The following YWHAE variants were observed in gnomAD, a reference collection of about 807,000 sequenced individuals.
YWHAE encodes the protein tyrosine 3-monooxygenase/tryptophan 5-monooxygenase activation protein epsilon, also known as 14-3-3 protein epsilon.
In YWHAE, 4 loss-of-function variants were observed where a neutral mutation model predicts 30.1. That is an observed-to-expected ratio of 0.13 (90% CI 0.07 to 0.30). The LOEUF (loss-of-function observed/expected upper bound fraction) is 0.30. YWHAE is among the 10% of genes least tolerant of loss of function. The pLI is 1.00. For synonymous variants in YWHAE, 118 were observed against 111.8 expected, an observed-to-expected ratio of 1.06 and a Z score of -0.35; for missense variants, 121 against 315.9, an observed-to-expected ratio of 0.38 and a Z score of 4.68.
chr17:1,394,274 A>G lies in YWHAE; in HGVS notation c.64+5773T>C, dbSNP rs1204572393. 3.3e-5 allele frequency among the ~76,000 whole-genome samples: 5 copies of G among 152,054 alleles called. No individual in the cohort carries two copies. In the East Asian group the frequency reaches 9.6e-4, roughly 29 times the overall value. ...GTTACATAAATTAAAAACTTTTGTC[A>G]ACGTGGGCTGTGAACTGAGGTACTG... On this transcript the variant is annotated intron_variant, in intron 1 of 5. Coordinates refer to ENST00000264335, the MANE Select transcript of YWHAE (RefSeq NM_006761.5).
At chr17:1,352,902 C>G (rs945379683) in intron 5 of YWHAE, among the ~76,000 whole-genome samples, 2 of 152,174 alleles carry the variant, frequency 1.3e-5, no homozygotes, top group Non-Finnish European at 2.9e-5. Context: ...ACCAGCACCA[C>G]CACCACCAAA....
At chr17:1,387,504 G>T (rs1007975092) in intron 1 of YWHAE, among the ~76,000 whole-genome samples, 2 of 152,126 alleles carry the variant, frequency 1.3e-5, no homozygotes, top group African/African-American at 4.8e-5. Flanking sequence ...GGAAGAAAAT[G>T]ACCACAAATA....
intron 2 of YWHAE, 115 bp from the exon 3 acceptor site, chr17:1,362,123 C>T: frequency 1.7e-6 from 1 of 581,270 alleles, no homozygotes; most frequent in Non-Finnish European, 2.9e-6. Flanking sequence ...GAATTTGTAT[C>T]CCTCTCCAAA....
At chr17:1,391,473 G>A (rs1452080246) in intron 1 of YWHAE, among the ~76,000 whole-genome samples, 1 of 152,146 alleles carries the variant, frequency 6.6e-6, no homozygotes, top group Non-Finnish European at 1.5e-5. Context: ...TATGCCTGCT[G>A]TTGTAGCTGA....
intron 4 of YWHAE, among the ~76,000 whole-genome samples, chr17:1,354,862 C>A (rs2072701829): frequency 6.7e-6 from 1 of 150,314 alleles, no homozygotes; most frequent in Non-Finnish European, 1.5e-5. Context: ...TGGGGTTTCA[C>A]CGTGTTAGCC....
intron 1 of YWHAE, among the ~76,000 whole-genome samples, chr17:1,381,190 C>T (rs1245813292): frequency 1.3e-5 from 2 of 152,138 alleles, no homozygotes; most frequent in Non-Finnish European, 2.9e-5. Context: ...CTGGCCTGGC[C>T]AACATGGCGA....
chr17:1,355,116 TAAAAAAAAA>T (rs869230957), intron 4 of YWHAE, among the ~76,000 whole-genome samples: 449 of 17,164 alleles, frequency 0.026, 13 homozygotes, highest in African/African-American at 0.09. Context: ...CAAGATTTTT[TAAAAAAAAA>T]AAAAAAAAAA....
chr17:1,381,907 T>C (rs1394171458), intron 1 of YWHAE, among the ~76,000 whole-genome samples: 2 of 88,334 alleles, frequency 2.3e-5, no homozygotes, highest in Non-Finnish European at 3.9e-5. Flanking sequence ...AGCGACACTA[T>C]GTCAAAAAAA....
chr17:1,399,780 C>T (rs1426467028), intron 1 of YWHAE: 1 of 468,246 alleles, frequency 2.1e-6, no homozygotes, highest in African/African-American at 2.0e-5. Flanking sequence ...TCCCCCCAGC[C>T]GCCATTTTAC....
At chr17:1,355,934 A>C (rs1189311388) in intron 4 of YWHAE, among the ~76,000 whole-genome samples, 1 of 151,900 alleles carries the variant, frequency 6.6e-6, no homozygotes, top group East Asian at 1.9e-4. Context: ...TTTGGGAGGC[A>C]GAAGCGGGCG....
chr17:1,358,302 T>C (rs58276296), intron 4 of YWHAE, among the ~76,000 whole-genome samples: 27 of 152,006 alleles, frequency 1.8e-4, no homozygotes, highest in African/African-American at 5.6e-4. Flanking sequence ...TGCAGTGGCG[T>C]GATCTTGGCT....
At chr17:1,383,180 A>G (rs767707432) in intron 1 of YWHAE, among the ~76,000 whole-genome samples, 9 of 151,564 alleles carry the variant, frequency 5.9e-5, no homozygotes, top group South Asian at 4.2e-4. Context: ...GAGAAACCCC[A>G]TCTCTACTAA....
At chr17:1,373,388 G>A (rs1452041846) in intron 1 of YWHAE, among the ~76,000 whole-genome samples, 1 of 151,602 alleles carries the variant, frequency 6.6e-6, no homozygotes, top group East Asian at 2.0e-4. Flanking sequence ...TTTGAGGCCG[G>A]GCGAGGTGGA....
At chr17:1,355,264 A>C (rs373090173) in intron 4 of YWHAE, among the ~76,000 whole-genome samples, 2 of 123,896 alleles carry the variant, frequency 1.6e-5, no homozygotes, top group Non-Finnish European at 1.6e-5. Context: ...TCACACCATT[A>C]TCCTGCCTCA....
chr17:1,397,322 A>G (rs1310652027), intron 1 of YWHAE, among the ~76,000 whole-genome samples: 1 of 152,208 alleles, frequency 6.6e-6, no homozygotes, highest in Admixed American at 6.5e-5. Flanking sequence ...CGAATAGACT[A>G]CTGGCTTGTT....
At chr17:1,360,673 G>A in intron 4 of YWHAE, among the ~76,000 whole-genome samples, 1 of 152,158 alleles carries the variant, frequency 6.6e-6, no homozygotes, top group Non-Finnish European at 1.5e-5. Context: ...GGCTGAGACA[G>A]GAGAATCACT....
intron 1 of YWHAE, among the ~76,000 whole-genome samples, chr17:1,389,777 G>A (rs1300838993): frequency 2.0e-5 from 3 of 151,928 alleles, no homozygotes; most frequent in Non-Finnish European, 2.9e-5. Flanking sequence ...TAGTCCGCCC[G>A]CCTCGGCCTC....
At chr17:1,397,158 C>T (rs1053598138) in intron 1 of YWHAE, among the ~76,000 whole-genome samples, 2 of 152,236 alleles carry the variant, frequency 1.3e-5, no homozygotes, top group African/African-American at 4.8e-5. Context: ...CTCGACCTCC[C>T]AAGGTGCTGG....
chr17:1,353,878 C>G, intron 5 of YWHAE, among the ~76,000 whole-genome samples: 1 of 152,082 alleles, frequency 6.6e-6, no homozygotes, highest in Non-Finnish European at 1.5e-5. Flanking sequence ...AGAAAAACTT[C>G]ATAAATACCT....
Sources: allele counts gnomAD v4.1 joint callset (sites outside exome capture counted in the v4.1 genomes callset), GRCh38; gene constraint gnomAD v4.1.1; transcripts MANE v1.5; gene names NCBI Gene and HGNC (gene_info 2026-07-23, HGNC 2026-07-21).